Variants in GLRA3 observed in about 807,000 individuals in gnomAD.
The protein encoded by GLRA3 is glycine receptor subunit alpha-3.
A neutral mutation model predicts 60.4 loss-of-function variants in GLRA3; 44 were observed. That is an observed-to-expected ratio of 0.73 (90% CI 0.57 to 0.94). GLRA3 has a LOEUF of 0.94. Among genes scored for constraint, GLRA3 ranks in the 40% least tolerant of loss-of-function variants. GLRA3 has a pLI of 0.00. For missense variants in GLRA3, 508 were observed against 564.6 expected (o/e 0.90, Z 1.02); for synonymous variants, 223 against 192.9 (o/e 1.16, Z -1.29).
chr4:174,691,148 G>C (rs1229526119), intron 5 of GLRA3, among the ~76,000 whole-genome samples: 1 of 152,136 alleles, frequency 6.6e-6, no homozygotes, highest in Non-Finnish European at 1.5e-5. Context: ...GTGAATAAGT[G>C]TTCTTTTATC....
intron 1 of GLRA3, among the ~76,000 whole-genome samples, chr4:174,790,611 T>C (rs990270643): frequency 1.4e-4 from 22 of 151,848 alleles, no homozygotes; most frequent in African/African-American, 5.3e-4. Context: ...AATAAACTTC[T>C]ACCTCCTCCT....
chr4:174,721,761 GTA>G (rs979239430), intron 4 of GLRA3, among the ~76,000 whole-genome samples: 1 of 151,198 alleles, frequency 6.6e-6, no homozygotes, highest in African/African-American at 2.4e-5. Context: ...AAATATGTGT[GTA>G]TATATATGTG....
chr4:174,652,673 G>T (rs936223070), intron 9 of GLRA3, among the ~76,000 whole-genome samples: 1 of 151,950 alleles, frequency 6.6e-6, no homozygotes, highest in Admixed American at 6.6e-5. Context: ...GCCAAGCACT[G>T]ATTCATATAA....
intron 9 of GLRA3, among the ~76,000 whole-genome samples, chr4:174,646,351 A>G (rs1732814044): frequency 6.6e-6 from 1 of 152,210 alleles, no homozygotes; most frequent in African/African-American, 2.4e-5. Context: ...GTATCTTTCC[A>G]TATAGCTGAG....
At chr4:174,813,334 C>G (rs1740344489) in intron 1 of GLRA3, among the ~76,000 whole-genome samples, 2 of 152,206 alleles carry the variant, frequency 1.3e-5, no homozygotes, top group South Asian at 4.1e-4. Context: ...GGTCCTATCT[C>G]TGACTTTGCC....
At chr4:174,683,670 T>G (rs929528063) in intron 5 of GLRA3, among the ~76,000 whole-genome samples, 1 of 152,198 alleles carries the variant, frequency 6.6e-6, no homozygotes, top group Non-Finnish European at 1.5e-5. Context: ...TTAAACTTAG[T>G]GTAAGAATAA....
rs1732651760 is a variant in GLRA3 at position 174,642,544 on chromosome 4, A to C, written c.*1242T>G. ...TTTGCACCCAATTACACTGCAAAAA[A>C]CAAGTTACTAATGCTCTGTTTTTGT... On this transcript the variant is annotated 3_prime_UTR_variant, in exon 10 of 10. Transcript: ENST00000274093. 1 of 977,370 alleles carries C rather than the reference A, an allele frequency of 1.0e-6. No homozygotes were observed. The highest frequency in any genetic ancestry group is 1.8e-5 in the African/African-American group (1 of 57,078). 60.5% of individuals were successfully genotyped at this position (977,370 alleles called of 1,614,324 possible).
chr4:174,716,218 A>G (rs1410828341), intron 4 of GLRA3, among the ~76,000 whole-genome samples: 1 of 152,180 alleles, frequency 6.6e-6, no homozygotes, highest in Non-Finnish European at 1.5e-5. Flanking sequence ...GGTGTGGGAT[A>G]AGGGAATCAT....
chr4:174,780,868 G>A (rs2111277431), intron 2 of GLRA3, among the ~76,000 whole-genome samples: 1 of 152,234 alleles, frequency 6.6e-6, no homozygotes, highest in South Asian at 2.1e-4. Flanking sequence ...AATGATGGGA[G>A]ACTTTAACAC....
At chr4:174,648,481 A>G (rs150296672) in intron 9 of GLRA3, among the ~76,000 whole-genome samples, 3 of 152,244 alleles carry the variant, frequency 2.0e-5, no homozygotes, top group African/African-American at 7.2e-5. Context: ...CAATCAATCA[A>G]TCAATCAATC....
intron 1 of GLRA3, among the ~76,000 whole-genome samples, chr4:174,798,775 T>G (rs1480375636): frequency 6.6e-6 from 1 of 151,986 alleles, no homozygotes; most frequent in Non-Finnish European, 1.5e-5. Flanking sequence ...ATACAAAAAA[T>G]TAGCTGGGTG....
At chr4:174,806,027 G>T (rs1054304552) in intron 1 of GLRA3, among the ~76,000 whole-genome samples, 5 of 152,074 alleles carry the variant, frequency 3.3e-5, no homozygotes, top group African/African-American at 1.2e-4. Flanking sequence ...GAGAAAAGAG[G>T]TCTTCCTTGA....
chr4:174,735,697 G>A (rs951138716), intron 3 of GLRA3, among the ~76,000 whole-genome samples: 26 of 152,058 alleles, frequency 1.7e-4, no homozygotes, highest in African/African-American at 6.3e-4. Flanking sequence ...AGTAGCTGGG[G>A]TTACAGGCAC....
At chr4:174,823,027 C>T (rs1740805895) in intron 1 of GLRA3, among the ~76,000 whole-genome samples, 1 of 152,136 alleles carries the variant, frequency 6.6e-6, no homozygotes. Context: ...TGTGTTGTTG[C>T]CATGCAGTTG....
At position 174,704,707 on chromosome 4, in the gene GLRA3, G is replaced by A. The variant is rs766068935; in HGVS notation, c.574+10781C>T. On this transcript the variant is annotated intron_variant, in intron 5 of 9. Coordinates refer to ENST00000274093, the MANE Select transcript of GLRA3 (RefSeq NM_006529.4). ...TGAAAGTAACCCATTTCCATCAATG[G>A]ATGAATGGAGAAATAAAATATTATA... Among the ~76,000 whole-genome samples the A allele has an allele frequency of 4.9e-5, 7 of 143,690 alleles. 1 individual carries two copies. The highest frequency in any genetic ancestry group is 7.5e-5 in the African/African-American group (3 of 39,766). 94.3% of individuals were successfully genotyped at this position (143,690 alleles called of 152,430 possible).
chr4:174,694,601 TTGA>T (rs1478801270), intron 5 of GLRA3, among the ~76,000 whole-genome samples: 1 of 152,150 alleles, frequency 6.6e-6, no homozygotes, highest in Non-Finnish European at 1.5e-5. Flanking sequence ...AAGAAGGACA[TTGA>T]TAGCAGTAAA....
intron 9 of GLRA3, among the ~76,000 whole-genome samples, chr4:174,650,269 C>T (rs1354200891): frequency 1.3e-5 from 2 of 152,120 alleles, no homozygotes; most frequent in Non-Finnish European, 2.9e-5. Flanking sequence ...TTTCTGTTGG[C>T]CCCACTGTAT....
At chr4:174,827,408 A>C (rs1011699319) in intron 1 of GLRA3, among the ~76,000 whole-genome samples, 1 of 151,676 alleles carries the variant, frequency 6.6e-6, no homozygotes, top group African/African-American at 2.4e-5. Context: ...CTTTGAAAAA[A>C]ATGTATTTTA....
At position 174,728,698 on chromosome 4, in the gene GLRA3, C is replaced by T. The variant is rs755560306; in HGVS notation, c.268G>A (p.Asp90Asn). 4 of 1,519,414 alleles carry T rather than the reference C, an allele frequency of 2.6e-6. No homozygotes were observed. Among genetic ancestry groups the T allele is most frequent in the East Asian group, 2.3e-5 (1 of 44,330 alleles). 94.1% of individuals were successfully genotyped at this position (1,519,414 alleles called of 1,614,324 possible). Residue 90 changes from aspartate (D) to asparagine (N), a missense_variant and splice_region_variant, in exon 4 of 10, where the codon GAT becomes AAT. Asp to Asn is a conservative substitution (Grantham distance 23). Around this residue, in one of 3 missense-constraint regions of GLRA3, gnomAD observed 329 missense variants for 349.3 expected, o/e 0.94. Coordinates refer to ENST00000274093, the MANE Select transcript of GLRA3 (RefSeq NM_006529.4). Reference sequence around the variant, plus strand: ...CGAAGAAAGATATTCACTCTGTAATCCTATGATAAAATAATGAAAGAAAGA... The same window carrying T: ...CGAAGAAAGATATTCACTCTGTAATTCTATGATAAAATAATGAAAGAAAGA... Reference protein sequence around the residue: ...SFGSIAETTMDYRVNIFLRQK... With the variant: ...SFGSIAETTMNYRVNIFLRQK...
Sources: gnomAD v4.1 joint callset for allele counts (sites outside exome capture counted in the v4.1 genomes callset) on GRCh38, gnomAD v4.1.1 for gene constraint, gnomAD v4.1.1 regional missense constraint, MANE v1.5 for transcripts, NCBI Gene and HGNC (gene_info 2026-07-23, HGNC 2026-07-21) for gene names.